Variants in STXBP5L observed in about 807,000 individuals in gnomAD.
STXBP5L encodes syntaxin-binding protein 5-like.
Under a neutral mutation model 144.5 loss-of-function variants are expected in STXBP5L, and 65 were observed. The ratio of observed to expected loss-of-function variants is 0.45; its 90% confidence interval spans 0.37 to 0.55. The LOEUF is 0.55. Ranked by LOEUF, STXBP5L falls within the 20% of genes least tolerant of loss-of-function variation. The pLI, the probability that STXBP5L is intolerant of heterozygous loss-of-function variation, is 0.00. For synonymous variants in STXBP5L, 505 were observed against 469.6 expected, an observed-to-expected ratio of 1.08 and a Z score of -0.97; for missense variants, 1,298 against 1,405.5, an observed-to-expected ratio of 0.92 and a Z score of 1.22.
Position 121,292,264 on chromosome 3 carries a change from T to C in STXBP5L, c.2110+12308T>C, listed in dbSNP as rs140884417. Among the ~76,000 whole-genome samples, 732 of 152,214 alleles carry C rather than the reference T, an allele frequency of 4.8e-3. 5 individuals are homozygous for C. Among genetic ancestry groups the C allele is most frequent in the Middle Eastern group, 0.014 (4 of 294 alleles). ...TGAATAGACAATTCTCAAAGGAAGATATACAAATGGCCAACAAACACGTAA... is the reference window on the plus strand; with the variant it reads ...TGAATAGACAATTCTCAAAGGAAGACATACAAATGGCCAACAAACACGTAA... On this transcript the variant is annotated intron_variant, in intron 19 of 26. Coordinates refer to ENST00000471454, the MANE Select transcript of STXBP5L (RefSeq NM_001308330.2).
At chr3:121,315,397 A>G (rs1577438862) in intron 19 of STXBP5L, among the ~76,000 whole-genome samples, 3 of 151,022 alleles carry the variant, frequency 2.0e-5, no homozygotes, top group Non-Finnish European at 4.4e-5. Context: ...AAAAAACCAA[A>G]CACTACATAT....
chr3:121,063,163 T>C (rs1160320624), intron 5 of STXBP5L, among the ~76,000 whole-genome samples: 2 of 152,220 alleles, frequency 1.3e-5, no homozygotes, highest in African/African-American at 4.8e-5. Flanking sequence ...CTTTGGTCTT[T>C]GATGTTGGTA....
chr3:121,074,203 G>A (rs1187497898), intron 5 of STXBP5L, among the ~76,000 whole-genome samples: 1 of 152,132 alleles, frequency 6.6e-6, no homozygotes. Context: ...AAGATGCCCT[G>A]GCTTTCAGGA....
chr3:121,260,249 C>A (rs1434161435), intron 18 of STXBP5L, among the ~76,000 whole-genome samples: 1 of 151,958 alleles, frequency 6.6e-6, no homozygotes, highest in Non-Finnish European at 1.5e-5. Flanking sequence ...ATTCTTTGTC[C>A]ATTTGTCTGT....
intron 5 of STXBP5L, among the ~76,000 whole-genome samples, chr3:121,081,823 G>C (rs1007944049): frequency 6.6e-6 from 1 of 152,100 alleles, no homozygotes; most frequent in African/African-American, 2.4e-5. Context: ...GGCTTTATCA[G>C]GGCAAAGAGT....
chr3:121,363,031 T>C (rs557672445), intron 20 of STXBP5L, among the ~76,000 whole-genome samples: 1 of 152,284 alleles, frequency 6.6e-6, no homozygotes, highest in South Asian at 2.1e-4. Context: ...AAATTTTTTC[T>C]GAGAGATACG....
chr3:121,183,511 G>A (rs2047241460), intron 9 of STXBP5L, among the ~76,000 whole-genome samples: 1 of 151,726 alleles, frequency 6.6e-6, no homozygotes, highest in African/African-American at 2.4e-5. Context: ...TGACCAAGCT[G>A]AGAATCAGAT....
At chr3:121,294,042 A>T in intron 19 of STXBP5L, among the ~76,000 whole-genome samples, 1 of 152,356 alleles carries the variant, frequency 6.6e-6, no homozygotes, top group East Asian at 1.9e-4. Context: ...AAGTAATTAC[A>T]AGAAATTATA....
At chr3:121,370,284 C>G (rs2045992422) in intron 20 of STXBP5L, among the ~76,000 whole-genome samples, 2 of 152,180 alleles carry the variant, frequency 1.3e-5, no homozygotes, top group South Asian at 4.1e-4. Context: ...AAGAGAATCA[C>G]TTGAACCCAG....
chr3:121,356,134 G>A (rs1009404779), intron 20 of STXBP5L, among the ~76,000 whole-genome samples: 3 of 152,240 alleles, frequency 2.0e-5, no homozygotes, highest in Non-Finnish European at 4.4e-5. Flanking sequence ...CTGCCAGTTA[G>A]GCTGAACAGG....
intron 19 of STXBP5L, among the ~76,000 whole-genome samples, chr3:121,286,669 G>A (rs897076535): frequency 5.3e-5 from 8 of 152,112 alleles, no homozygotes; most frequent in Admixed American, 2.0e-4. Context: ...AGTTTTGCAA[G>A]ATAAATAGTC....
intron 3 of STXBP5L, among the ~76,000 whole-genome samples, chr3:120,956,225 G>A (rs957412912): frequency 1.3e-5 from 2 of 151,904 alleles, no homozygotes; most frequent in East Asian, 1.9e-4. Context: ...ACCATTCAGC[G>A]TTATTAAATA....
At position 121,338,155 on chromosome 3, in the gene STXBP5L, C is replaced by T. The variant is rs192327237; in HGVS notation, c.2176+19615C>T. On this transcript the variant is annotated intron_variant, in intron 20 of 26. Transcript: ENST00000471454. ...ATCACACCTCAAGGAACCAGAGAAG[C>T]AAGAACAAACCAAACCCAAAGCTAC... Among the ~76,000 whole-genome samples, 689 of 151,936 alleles carry T rather than the reference C, an allele frequency of 4.5e-3. 4 individuals are homozygous for T. The highest frequency in any genetic ancestry group is 0.016 in the African/African-American group (657 of 41,472).
At position 121,045,468 on chromosome 3, in the gene STXBP5L, C is replaced by T; in HGVS notation, c.403C>T (p.Leu135Phe). Residue 135 changes from leucine (L) to phenylalanine (F), a missense_variant, in exon 5 of 27, where the codon CTT (leucine) becomes TTT (phenylalanine). Coordinates refer to ENST00000471454, the MANE Select transcript of STXBP5L (RefSeq NM_001308330.2). ...GGTCAGTGCAAGTTCAGATGATACA[C>T]TTCATTTGTGGAACCTTAGACAAAA... ...ALVSASSDDT[L>F]HLWNLRQKRP... The T allele has an allele frequency of 6.2e-7, 1 of 1,613,268 alleles. No homozygotes were observed. Among genetic ancestry groups the T allele is most frequent in the South Asian group, 1.1e-5 (1 of 90,958 alleles).
chr3:120,984,632 C>CTTTTTTTTTTTTTTTTTTTTTTTTTTTT lies in STXBP5L; in HGVS notation c.287+29617_287+29618insTTTTTTTTTTTTTTTTTTTTTTTTTTTT, dbSNP rs35656223. ...TGGATGCCTTTCATTTCTTTCTTTC[C>CTTTTTTTTTTTTTTTTTTTTTTTTTTTT]TTTTTTTTTTTTTTTTTTTTTTGCC... On this transcript the variant is annotated intron_variant, in intron 3 of 26. Transcript: ENST00000471454. Among the ~76,000 whole-genome samples the CTTTTTTTTTTTTTTTTTTTTTTTTTTTT allele has an allele frequency of 3.1e-4, 22 of 71,964 alleles. 2 individuals carry two copies. The highest frequency in any genetic ancestry group is 1.0e-3 in the African/African-American group (17 of 16,288). The allele number at this position is 71,964 out of a possible 152,430, so 47.2% of individuals were successfully genotyped here. A position where few individuals can be genotyped will look rare whatever the true frequency, so the allele number is the denominator to read the frequency against.
At chr3:121,060,304 G>A (rs1015080573) in intron 5 of STXBP5L, among the ~76,000 whole-genome samples, 3 of 152,158 alleles carry the variant, frequency 2.0e-5, no homozygotes, top group African/African-American at 7.2e-5. Context: ...AACCGGCCTT[G>A]CTTCCCAGGG....
intron 20 of STXBP5L, among the ~76,000 whole-genome samples, chr3:121,331,384 C>A (rs994932214): frequency 2.6e-5 from 4 of 152,194 alleles, no homozygotes; most frequent in Non-Finnish European, 4.4e-5. Flanking sequence ...TGTAGACACC[C>A]TTTCTGGAAC....
chr3:120,958,984 A>G (rs1280572669), intron 3 of STXBP5L, among the ~76,000 whole-genome samples: 3 of 152,250 alleles, frequency 2.0e-5, no homozygotes, highest in Admixed American at 6.5e-5. Flanking sequence ...TGCAGGTGAC[A>G]TGATTGTATA....
intron 9 of STXBP5L, among the ~76,000 whole-genome samples, chr3:121,193,181 C>CA (rs998451717): frequency 1.4e-5 from 2 of 142,754 alleles, no homozygotes; most frequent in Admixed American, 6.9e-5. Context: ...AGACACTTCT[C>CA]AAAAAAAGAC....
Sources: allele counts gnomAD v4.1 joint callset (sites outside exome capture counted in the v4.1 genomes callset), GRCh38; gene constraint gnomAD v4.1.1; transcripts MANE v1.5; gene names NCBI Gene and HGNC (gene_info 2026-07-23, HGNC 2026-07-21).